Variants in POLQ observed in about 807,000 individuals in gnomAD.
The protein encoded by POLQ is DNA polymerase theta, also known as epididymis secretory sperm binding protein.
A neutral mutation model predicts 259.2 loss-of-function variants in POLQ; 233 were observed. The ratio of observed to expected loss-of-function variants is 0.90; its 90% CI spans 0.81 to 1.00. POLQ has a LOEUF of 1.00. Among genes scored for constraint, POLQ ranks in the 50% least tolerant of loss-of-function variants. The pLI, the probability that POLQ is intolerant of heterozygous loss-of-function variation, is 0.00. For missense variants in POLQ, 2,871 were observed against 3,051.6 expected (o/e 0.94, Z 1.39); for synonymous variants, 1,025 against 1,048.8 (o/e 0.98, Z 0.44).
chr3:121,522,636 C>G (rs2108813716), intron 7 of POLQ, among the ~76,000 whole-genome samples: 1 of 152,240 alleles, frequency 6.6e-6, no homozygotes, highest in South Asian at 2.1e-4. Flanking sequence ...ATACTGATGC[C>G]TGGTTCTTAA....
At chr3:121,445,651 C>A (rs868553180) in intron 26 of POLQ, among the ~76,000 whole-genome samples, 4 of 152,078 alleles carry the variant, frequency 2.6e-5, no homozygotes, top group Non-Finnish European at 5.9e-5. Context: ...TCACTTGAGG[C>A]CAGGAGTTCA....
At chr3:121,520,264 G>A (rs1156490742) in intron 8 of POLQ, among the ~76,000 whole-genome samples, 181 bp from the exon 9 acceptor site, 5 of 152,102 alleles carry the variant, frequency 3.3e-5, no homozygotes, top group South Asian at 2.1e-4. Flanking sequence ...GGCCGGGCGC[G>A]GTGGCTCATG....
At chr3:121,502,451 G>C (rs759109534) in intron 12 of POLQ, among the ~76,000 whole-genome samples, 1 of 152,080 alleles carries the variant, frequency 6.6e-6, no homozygotes, top group Non-Finnish European at 1.5e-5. Flanking sequence ...TGGTCCACCC[G>C]CCTCAGCCTA....
At chr3:121,452,027 G>A (rs146758850) in intron 25 of POLQ, among the ~76,000 whole-genome samples, 5,373 of 152,186 alleles carry the variant, frequency 0.035, 336 homozygotes, top group Admixed American at 0.17. Flanking sequence ...CTTGCAGTTC[G>A]ATCTCAGACT....
Position 121,472,008 on chromosome 3 carries a change from G to C in POLQ, c.6700C>G (p.Gln2234Glu). 6.5e-7 allele frequency: 1 copy of C among 1,530,902 alleles called. No individual in the cohort carries two copies. Among genetic ancestry groups the C allele is most frequent in the South Asian group, 1.3e-5 (1 of 78,522 alleles). 94.8% of individuals were successfully genotyped at this position (1,530,902 alleles called of 1,614,324 possible). A position where few individuals can be genotyped will look rare whatever the true frequency, so the allele number is the denominator to read the frequency against. The change falls in exon 22 of 30, where the codon CAG (glutamine) becomes GAG (glutamate). Residue 2234 changes from glutamine to glutamate, a missense_variant. By Grantham distance (29) the Gln-to-Glu change is conservative. This residue lies in a region of POLQ where 2,080 missense variants were observed against 2,126.0 expected (regional missense o/e 0.98). Coordinates refer to ENST00000264233, the MANE Select transcript of POLQ (RefSeq NM_199420.4). ...LGMERIYPVS[Q>E]SHTATGRITF... is the part of the protein sequence containing the mutation. ...TCATCACCTGTAGCAGTGTGCGACTGTGATACAGGATAGATTCTTTCCATT... is the reference window on the plus strand; with the variant it reads ...TCATCACCTGTAGCAGTGTGCGACTCTGATACAGGATAGATTCTTTCCATT...
chr3:121,483,547 G>A lies in POLQ; in HGVS notation c.5809C>T (p.Pro1937Ser), dbSNP rs375652419. ...ATCCTGTCTTTCAAAGTCAGGCTTGGATCTAAAGAAGGTGGAACCAAACTG... is the reference window on the plus strand; with the variant it reads ...ATCCTGTCTTTCAAAGTCAGGCTTGAATCTAAAGAAGGTGGAACCAAACTG... ...SASLVPPSLD[P>S]SLTLKDRMWY... The change falls in exon 18 of 30, where the codon CCA becomes TCA. Residue 1937 changes from proline (P) to serine (S), a missense_variant. Transcript: ENST00000264233. 1.3e-6 allele frequency: 2 copies of A among 1,557,356 alleles called. No homozygotes were observed. The highest frequency in any genetic ancestry group is 2.8e-5 in the African/African-American group (2 of 71,302).
chr3:121,500,865 A>C (rs1274536410), intron 12 of POLQ, among the ~76,000 whole-genome samples: 2 of 152,220 alleles, frequency 1.3e-5, no homozygotes, highest in African/African-American at 4.8e-5. Flanking sequence ...TTAAGAGCTA[A>C]CTTCTCACCA....
At position 121,476,545 on chromosome 3, in the gene POLQ, C is replaced by T. The variant is rs148445441; in HGVS notation, c.6400G>A (p.Ala2134Thr). 16 of 1,610,218 alleles carry T rather than the reference C, an allele frequency of 9.9e-6. No individual in the cohort carries two copies. Among genetic ancestry groups the T allele is most frequent in the African/African-American group, 2.7e-5 (2 of 74,656 alleles). ...SFSFTSSDDI[A>T]EVLFLELKLP... is the part of the protein sequence containing the mutation. ...CCCTAGCCCCATGATACAACCTCAG[C>T]GATGTCATCTGAACTGGTGAAAGAA... The change falls in exon 20 of 30, where the codon GCT becomes ACT. Residue 2134 changes from alanine to threonine, a missense_variant. Physicochemically the swap from Ala to Thr is moderately conservative, Grantham distance 58. Transcript: ENST00000264233.
At position 121,541,329 on chromosome 3, in the gene POLQ, A is replaced by G. The variant is rs764834665; in HGVS notation, c.474+20T>C. ...CAATAATGAGCCTTTCACTATTTCA[A>G]ACTTAGTAAAAAACATTACCTGGAG... On this transcript the variant is annotated intron_variant, in intron 3 of 29. Transcript: ENST00000264233. 3.2e-6 allele frequency: 5 copies of G among 1,559,876 alleles called. No individual in the cohort carries two copies. In the South Asian group the frequency reaches 4.8e-5, roughly 15 times the overall value.
At chr3:121,525,640 A>G (rs2048368376) in intron 7 of POLQ, among the ~76,000 whole-genome samples, 3 of 152,296 alleles carry the variant, frequency 2.0e-5, no homozygotes, top group African/African-American at 7.2e-5. Flanking sequence ...CTGTCGTTTC[A>G]GTGCCGATAT....
At chr3:121,505,951 G>A (rs930138552) in intron 12 of POLQ, among the ~76,000 whole-genome samples, 6 of 150,578 alleles carry the variant, frequency 4.0e-5, no homozygotes, top group African/African-American at 1.5e-4. Context: ...GAACCCAGGA[G>A]GCGGAGGTTG....
chr3:121,517,374 T>G (rs1204500470), intron 9 of POLQ, among the ~76,000 whole-genome samples: 1 of 152,142 alleles, frequency 6.6e-6, no homozygotes, highest in Non-Finnish European at 1.5e-5. Flanking sequence ...AAGTTTTGTT[T>G]TTTTTTTTTA....
At chr3:121,512,688 A>G (rs980269858) in intron 9 of POLQ, among the ~76,000 whole-genome samples, 34 of 152,192 alleles carry the variant, frequency 2.2e-4, no homozygotes, top group African/African-American at 7.7e-4. Flanking sequence ...TCTCCTGTTA[A>G]TCTGTCAATT....
intron 18 of POLQ, among the ~76,000 whole-genome samples, chr3:121,483,127 A>G (rs373281801): frequency 3.9e-5 from 6 of 152,300 alleles, no homozygotes; most frequent in African/African-American, 1.4e-4. Context: ...CTTATGACCC[A>G]AATTAAAATT....
At chr3:121,461,166 T>C (rs537182908) in intron 24 of POLQ, among the ~76,000 whole-genome samples, 1 of 152,324 alleles carries the variant, frequency 6.6e-6, no homozygotes, top group East Asian at 1.9e-4. Context: ...AAAACACTCG[T>C]ACATTGTTAC....
In POLQ at chr3:121,498,584, C is replaced by T; in HGVS notation, c.2046G>A (p.Arg682=). Reference sequence around the variant, plus strand: ...CTTCAACTCCCACTAGCTCTGCCACCCTTTTCATTGAAGTTGGCAACTTCT... The same window carrying T: ...CTTCAACTCCCACTAGCTCTGCCACTCTTTTCATTGAAGTTGGCAACTTCT... ...LWEKLPTSMK[R]VAELVGVEEG... Residue 682 remains arginine, a synonymous_variant, in exon 13 of 30, where the codon AGG becomes AGA. Transcript: ENST00000264233. The T allele has an allele frequency of 6.2e-7, 1 of 1,614,012 alleles. No homozygotes were observed. Among genetic ancestry groups the T allele is most frequent in the Non-Finnish European group, 8.5e-7 (1 of 1,179,902 alleles).
Position 121,490,292 on chromosome 3 carries a change from A to G in POLQ, c.2639T>C (p.Val880Ala). ...CTGCAGAATCATTCTGGCTTCTTCC[A>G]CTATAAGGGCTGCTGCTTCCCTTTC... The part of the protein sequence containing the change: ...LTEREAAALI[V>A]EEARMILQQD... The change falls in exon 16 of 30, where the codon GTG (valine) becomes GCG (alanine). Residue 880 changes from valine (V) to alanine (A), a missense_variant. Physicochemically the swap from Val to Ala is moderately conservative, Grantham distance 64. This residue lies in a region of POLQ where 2,080 missense variants were observed against 2,126.0 expected (regional missense o/e 0.98). Coordinates refer to ENST00000264233, the MANE Select transcript of POLQ (RefSeq NM_199420.4). 6.2e-7 allele frequency: 1 copy of G among 1,614,204 alleles called. No homozygotes were observed. The highest frequency in any genetic ancestry group is 1.1e-5 in the South Asian group (1 of 91,084).
intron 18 of POLQ, among the ~76,000 whole-genome samples, chr3:121,482,397 G>C (rs1000247731): frequency 1.3e-5 from 2 of 151,944 alleles, no homozygotes; most frequent in Admixed American, 1.3e-4. Context: ...GTGGGCACCT[G>C]TAATCCCAGC....
At chr3:121,536,919 C>T (rs904846718) in intron 5 of POLQ, among the ~76,000 whole-genome samples, 181 bp downstream of exon 5, 4 of 152,174 alleles carry the variant, frequency 2.6e-5, no homozygotes, top group Non-Finnish European at 4.4e-5. Flanking sequence ...GCTGGGATTA[C>T]AGGTGTCAGC....
Sources: allele counts gnomAD v4.1 joint callset (sites outside exome capture counted in the v4.1 genomes callset), GRCh38; gene constraint gnomAD v4.1.1; regional missense constraint gnomAD v4.1.1; transcripts MANE v1.5; gene names NCBI Gene and HGNC (gene_info 2026-07-23, HGNC 2026-07-21).